TMEM168: variants seen among roughly 807,000 people sequenced by gnomAD.
TMEM168 encodes the protein transmembrane protein 168.
TMEM168 carries 40 observed loss-of-function variants against 53.2 expected under a neutral mutation model. The ratio of observed to expected loss-of-function variants is 0.75; its 90% CI spans 0.58 to 0.98. The LOEUF (loss-of-function observed/expected upper bound fraction) is 0.98, where lower values mean the gene tolerates loss of function less well. TMEM168 is among the 50% of genes least tolerant of loss of function. The pLI is 0.00. For synonymous variants in TMEM168, 282 were observed against 293.0 expected (o/e 0.96, Z 0.38); for missense variants, 771 against 828.8 (o/e 0.93, Z 0.86).
intron 4 of TMEM168, among the ~76,000 whole-genome samples, chr7:112,768,743 C>T (rs1041756099): frequency 6.6e-6 from 1 of 152,030 alleles, no homozygotes; most frequent in Non-Finnish European, 1.5e-5. Flanking sequence ...CTCAATGGTA[C>T]ACTGATAACG....
At chr7:112,770,305 C>T (rs1423576949) in intron 4 of TMEM168, among the ~76,000 whole-genome samples, 1 of 152,064 alleles carries the variant, frequency 6.6e-6, no homozygotes, top group East Asian at 1.9e-4. Flanking sequence ...TATGCAGTTG[C>T]TGAATTATAA....
rs536547400 is a variant in TMEM168 at position 112,765,858 on chromosome 7, C to A, written c.*1339G>T. The A allele has an allele frequency of 3.3e-4, 50 of 152,640 alleles. No individual in the cohort carries two copies. Among genetic ancestry groups the A allele is most frequent in the Admixed American group, 1.4e-3 (22 of 15,290 alleles). 9.5% of individuals were successfully genotyped at this position (152,640 alleles called of 1,614,324 possible). On this transcript the variant is annotated 3_prime_UTR_variant, in exon 5 of 5. Transcript: ENST00000312814. ...TTCCCTGACTCTAACTTCTTCCTAA[C>A]TTAAAAGTTCAATTTTCAAGTCACC...
rs926882356 is a variant in TMEM168, at chr7:112,765,670, T to C, written c.*1527A>G. The C allele has an allele frequency of 2.6e-5, 4 of 152,426 alleles. No homozygotes were observed. The highest frequency in any genetic ancestry group is 9.6e-5 in the African/African-American group (4 of 41,470). The allele number at this position is 152,426 out of a possible 1,614,324, so 9.4% of individuals were successfully genotyped here. On this transcript the variant is annotated 3_prime_UTR_variant, in exon 5 of 5. Transcript: ENST00000312814. ...AACTCTAAAACATGGGCATTTTTAA[T>C]GACTACCACTTTTAATAAATATACT...
intron 2 of TMEM168, among the ~76,000 whole-genome samples, chr7:112,780,017 C>A (rs7806781): frequency 5.3e-5 from 8 of 152,096 alleles, no homozygotes; most frequent in Non-Finnish European, 7.4e-5. Flanking sequence ...AAACCACAGG[C>A]GACTTTCAAA....
chr7:112,783,041 T>G (rs1027364687), intron 2 of TMEM168, among the ~76,000 whole-genome samples: 1 of 152,248 alleles, frequency 6.6e-6, no homozygotes, highest in Non-Finnish European at 1.5e-5. Flanking sequence ...AATGGAAGAC[T>G]GGGTTTGTTA....
rs552801235 is a variant in TMEM168, at chr7:112,771,096, C to T, written c.1546+1685G>A. ...ATAAAGGTTAAAAAGATGCTTTCTA[C>T]GTTGTAATTAAAAAGTTATAGGTCA... On this transcript the variant is annotated intron_variant, in intron 4 of 4. Coordinates refer to ENST00000312814, the MANE Select transcript of TMEM168 (RefSeq NM_022484.6). Among the ~76,000 whole-genome samples the T allele has an allele frequency of 2.3e-3, 345 of 152,278 alleles. 1 individual carries two copies. Among genetic ancestry groups the T allele is most frequent in the African/African-American group, 8.1e-3 (337 of 41,556 alleles).
chr7:112,786,884 C>A (rs1452354730), intron 1 of TMEM168, among the ~76,000 whole-genome samples: 2 of 152,160 alleles, frequency 1.3e-5, no homozygotes, highest in African/African-American at 4.8e-5. Context: ...CACCAGATGA[C>A]TCTGCCTCCT....
chr7:112,774,451 C>G (rs1197092648), intron 3 of TMEM168, among the ~76,000 whole-genome samples: 1 of 142,106 alleles, frequency 7.0e-6, no homozygotes, highest in Non-Finnish European at 1.5e-5. Context: ...TAGGCAAAGA[C>G]AGATAATAAG....
intron 2 of TMEM168, among the ~76,000 whole-genome samples, chr7:112,776,962 G>A (rs1294410364): frequency 1.3e-5 from 2 of 152,018 alleles, no homozygotes; most frequent in African/African-American, 4.8e-5. Flanking sequence ...GATTATTAAT[G>A]AGGTTAAGTA....
chr7:112,770,142 G>GAT (rs1277294945), intron 4 of TMEM168, among the ~76,000 whole-genome samples: 1 of 152,196 alleles, frequency 6.6e-6, no homozygotes, highest in East Asian at 1.9e-4. Context: ...TCAGAGCAGA[G>GAT]ATATTCAATA....
At chr7:112,767,878 T>A in intron 4 of TMEM168, 134 bp from the exon 5 acceptor site, 4 of 673,154 alleles carry the variant, frequency 5.9e-6, no homozygotes, top group African/African-American at 3.3e-5. Context: ...TAGAATTAAA[T>A]AAGCAAAAAA....
intron 2 of TMEM168, among the ~76,000 whole-genome samples, chr7:112,779,743 T>A (rs1467802530): frequency 6.6e-6 from 1 of 152,220 alleles, no homozygotes; most frequent in Non-Finnish European, 1.5e-5. Context: ...CAAGTCATGG[T>A]CAAAGTATTC....
rs1380900247 is a variant in TMEM168 at position 112,764,870 on chromosome 7, C to T, written c.*2327G>A. On this transcript the variant is annotated 3_prime_UTR_variant, in exon 5 of 5. Transcript: ENST00000312814. ...TGTCGCCCAGGCTGGAGTGCAGTGG[C>T]ACAATCTCAGCTCACTGCAACCTCT... is the stretch of plus-strand genomic sequence containing the variant. The T allele has an allele frequency of 6.6e-6, 1 of 150,998 alleles. No individual in the cohort carries two copies. The highest frequency in any genetic ancestry group is 2.4e-5 in the African/African-American group (1 of 40,862). 9.4% of individuals were successfully genotyped at this position (150,998 alleles called of 1,614,324 possible).
chr7:112,784,316 T>C lies in TMEM168; in HGVS notation c.510A>G (p.Thr170=), dbSNP rs1793315665. 5 of 1,614,184 alleles carry C rather than the reference T, an allele frequency of 3.1e-6. No homozygotes were observed. The highest frequency in any genetic ancestry group is 4.2e-6 in the Non-Finnish European group (5 of 1,180,026). The change falls in exon 2 of 5, where the codon ACA becomes ACG. Residue 170 remains threonine, a synonymous_variant. Transcript: ENST00000312814. ...LELVGFAIAS[T]TMLVEKSLSV... is the part of the protein sequence containing the mutation. ...TCAGAGACTTCTCCACCAACATAGTTGTGCTGGCAATGGCAAATCCAACAA... is the reference window on the plus strand; with the variant it reads ...TCAGAGACTTCTCCACCAACATAGTCGTGCTGGCAATGGCAAATCCAACAA...
chr7:112,772,438 T>A (rs1320809692), intron 4 of TMEM168, among the ~76,000 whole-genome samples: 2 of 152,224 alleles, frequency 1.3e-5, no homozygotes, highest in Non-Finnish European at 2.9e-5. Context: ...GAAGGACTAC[T>A]GAAATCTGCA....
intron 4 of TMEM168, among the ~76,000 whole-genome samples, chr7:112,767,962 TA>T (rs1202916439): frequency 6.6e-6 from 1 of 151,904 alleles, no homozygotes; most frequent in Non-Finnish European, 1.5e-5. Flanking sequence ...CAACTTGAGG[TA>T]AAAAAAATCC....
chr7:112,774,586 T>C (rs1439031804), intron 3 of TMEM168, among the ~76,000 whole-genome samples: 1 of 138,880 alleles, frequency 7.2e-6, no homozygotes, highest in Admixed American at 7.1e-5. Flanking sequence ...GCTTTTTTCC[T>C]TTTTTTTTTT....
intron 1 of TMEM168, among the ~76,000 whole-genome samples, chr7:112,787,465 C>T (rs1056021352): frequency 1.6e-4 from 25 of 152,040 alleles, no homozygotes; most frequent in South Asian, 2.1e-4. Context: ...CTGCAACCTC[C>T]GACTATCGGG....
intron 2 of TMEM168, among the ~76,000 whole-genome samples, chr7:112,778,032 G>A (rs886591058): frequency 6.6e-6 from 1 of 151,882 alleles, no homozygotes; most frequent in African/African-American, 2.4e-5. Flanking sequence ...TTCTCCTAGA[G>A]GCAATCTGTT....
Sources: gnomAD v4.1 joint callset for allele counts (sites outside exome capture counted in the v4.1 genomes callset) on GRCh38, gnomAD v4.1.1 for gene constraint, MANE v1.5 for transcripts, NCBI Gene and HGNC (gene_info 2026-07-23, HGNC 2026-07-21) for gene names.